The following ADI1 variants were observed in gnomAD, a reference collection of about 807,000 sequenced individuals.
The protein encoded by ADI1 is acireductone dioxygenase.
In ADI1, 21 loss-of-function variants were observed where a neutral mutation model predicts 18.7. That is an observed-to-expected ratio of 1.13 (90% confidence interval 0.80 to 1.62). ADI1 has a LOEUF of 1.62. Among genes scored for constraint, ADI1 ranks in the 40% most tolerant of loss-of-function variants. ADI1 has a pLI of 0.00. For synonymous variants in ADI1, 90 were observed against 100.1 expected (o/e 0.90, Z 0.60); for missense variants, 245 against 254.9 (o/e 0.96, Z 0.26).
At chr2:3,502,981 G>A (rs894134700) in intron 2 of ADI1, among the ~76,000 whole-genome samples, 1 of 152,098 alleles carries the variant, frequency 6.6e-6, no homozygotes, top group Non-Finnish European at 1.5e-5. Flanking sequence ...AAATACTGAT[G>A]AGGAAGGCAA....
chr2:3,517,265 A>C (rs1387159117), intron 1 of ADI1: 1 of 152,240 alleles, frequency 6.6e-6, no homozygotes, highest in Non-Finnish European at 1.5e-5. Flanking sequence ...ACTTGACGTT[A>C]ACCAATCAGC....
At chr2:3,517,566 G>C (rs1667436237) in intron 1 of ADI1, 1 of 152,214 alleles carries the variant, frequency 6.6e-6, no homozygotes, top group Non-Finnish European at 1.5e-5. Context: ...AGCAGTTCAA[G>C]ATCAGCCTGA....
chr2:3,516,808 T>C, intron 1 of ADI1: 3 of 985,286 alleles, frequency 3.0e-6, no homozygotes, highest in Non-Finnish European at 3.6e-6. Flanking sequence ...TAATAACAGA[T>C]TGATTAAACA....
At chr2:3,516,585 T>C in intron 1 of ADI1, 1 of 381,052 alleles carries the variant, frequency 2.6e-6, no homozygotes, top group Non-Finnish European at 3.6e-6. Context: ...GACAGGATCC[T>C]CATCAGACAC....
intron 3 of ADI1, among the ~76,000 whole-genome samples, chr2:3,499,724 G>A (rs1666950049): frequency 6.6e-6 from 1 of 152,192 alleles, no homozygotes. Flanking sequence ...TCCAGCGCCA[G>A]AGTACTGTGC....
chr2:3,519,098 C>A (rs1488228411), intron 1 of ADI1, among the ~76,000 whole-genome samples: 2 of 150,604 alleles, frequency 1.3e-5, no homozygotes, highest in Non-Finnish European at 3.0e-5. Flanking sequence ...GCGCTGGGGG[C>A]TGACCGCCGA....
chr2:3,513,268 T>C (rs573905077), intron 2 of ADI1, among the ~76,000 whole-genome samples: 2 of 152,318 alleles, frequency 1.3e-5, no homozygotes, highest in Admixed American at 6.5e-5. Context: ...GTTAAGACTT[T>C]GGGGGACTAT....
chr2:3,497,614 C>T lies in ADI1; in HGVS notation c.*1349G>A, dbSNP rs1327813153. On this transcript the variant is annotated 3_prime_UTR_variant, in exon 4 of 4. Coordinates refer to ENST00000327435, the MANE Select transcript of ADI1 (RefSeq NM_018269.4). ...TCCCAGGCTCTAAGAATCCTCCCAC[C>T]TTAGCCTCCTGAGTAGCTGAGATTA... 5 of 152,336 alleles carry T rather than the reference C, an allele frequency of 3.3e-5. No homozygotes were observed. The highest frequency in any genetic ancestry group is 2.9e-5 in the Non-Finnish European group (2 of 68,096). 9.4% of individuals were successfully genotyped at this position (152,336 alleles called of 1,614,324 possible).
chr2:3,515,032 G>C (rs1019073599), intron 1 of ADI1: 1 of 601,400 alleles, frequency 1.7e-6, no homozygotes, highest in Non-Finnish European at 2.6e-6. Flanking sequence ...TGTGTTAACT[G>C]TACAAATTGA....
rs757786301 is a variant in ADI1, at chr2:3,519,403, C to T, written c.85G>A (p.Glu29Lys). ...AGCACCCCGAGCCGCCGCAGCTGCT[C>T]CAGGCCCACTGGGCGGCCGGGGTCG... ...RPDPGRPVGLEQLRRLGVLYW... is the reference protein window; with the variant it reads ...RPDPGRPVGLKQLRRLGVLYW... Residue 29 changes from glutamate to lysine, a missense_variant, in exon 1 of 4, where the codon GAG becomes AAG. Coordinates refer to ENST00000327435, the MANE Select transcript of ADI1 (RefSeq NM_018269.4). The T allele has an allele frequency of 3.6e-5, 50 of 1,406,272 alleles. No individual in the cohort carries two copies. The highest frequency in any genetic ancestry group is 4.3e-5 in the Non-Finnish European group (47 of 1,087,716). The allele number at this position is 1,406,272 out of a possible 1,614,324, so 87.1% of individuals were successfully genotyped here.
At chr2:3,518,869 C>T (rs532778112) in intron 1 of ADI1, among the ~76,000 whole-genome samples, 1 of 152,238 alleles carries the variant, frequency 6.6e-6, no homozygotes, top group Non-Finnish European at 1.5e-5. Flanking sequence ...CTTCAGGTCG[C>T]TGCCAATCCC....
chr2:3,518,903 C>T (rs1246419927), intron 1 of ADI1, among the ~76,000 whole-genome samples: 1 of 152,212 alleles, frequency 6.6e-6, no homozygotes, highest in Non-Finnish European at 1.5e-5. Flanking sequence ...CGCAGCGAGT[C>T]CCGGCTGCGA....
At chr2:3,505,414 T>TA (rs934797654) in intron 2 of ADI1, among the ~76,000 whole-genome samples, 3 of 151,950 alleles carry the variant, frequency 2.0e-5, no homozygotes, top group South Asian at 4.1e-4. Context: ...GTCTGAGAGC[T>TA]AAAAAAAACT....
intron 3 of ADI1, among the ~76,000 whole-genome samples, 163 bp from the exon 4 acceptor site, chr2:3,499,245 G>A (rs1248699361): frequency 2.0e-5 from 3 of 152,194 alleles, no homozygotes; most frequent in African/African-American, 7.2e-5. Flanking sequence ...TTCGTGGAAG[G>A]AAAATTTGTA....
Position 3,500,518 on chromosome 2 carries a change from TG to T in ADI1, c.420+295del. On this transcript the variant is annotated intron_variant, in intron 3 of 3. Transcript: ENST00000327435. ...GCTGGGGCAGGGCCAGGCTCGTGGG[TG>T]TGTACCTGCCGCCGCATGTACCTGC... The T allele has an allele frequency of 1.8e-5, 6 of 329,052 alleles. 1 individual carries two copies. The African/African-American group carries it at 3.1e-4, about 17-fold the overall frequency. The allele number at this position is 329,052 out of a possible 1,614,324, so 20.4% of individuals were successfully genotyped here.
chr2:3,515,499 C>G (rs967062265), intron 1 of ADI1: 61 of 152,338 alleles, frequency 4.0e-4, no homozygotes, highest in Non-Finnish European at 7.5e-4. Flanking sequence ...ATGTGCAGCA[C>G]TGAACATAGA....
At chr2:3,504,163 ACAT>A (rs1458182924) in intron 2 of ADI1, among the ~76,000 whole-genome samples, 3 of 152,220 alleles carry the variant, frequency 2.0e-5, no homozygotes, top group African/African-American at 7.2e-5. Context: ...GGGCACGTTG[ACAT>A]CAGCAGTGAG....
intron 1 of ADI1, among the ~76,000 whole-genome samples, chr2:3,518,354 C>T (rs1281780714): frequency 2.6e-5 from 4 of 152,226 alleles, no homozygotes; most frequent in Non-Finnish European, 5.9e-5. Flanking sequence ...TCATTTAAAT[C>T]ACATGAATGA....
intron 2 of ADI1, among the ~76,000 whole-genome samples, chr2:3,503,548 C>G (rs1472305702): frequency 1.3e-5 from 2 of 151,502 alleles, no homozygotes; most frequent in Non-Finnish European, 2.9e-5. Flanking sequence ...CACGTACACA[C>G]TCACACACGT....
Sources: gnomAD v4.1 joint callset for allele counts (sites outside exome capture counted in the v4.1 genomes callset) on GRCh38, gnomAD v4.1.1 for gene constraint, MANE v1.5 for transcripts, NCBI Gene and HGNC (gene_info 2026-07-23, HGNC 2026-07-21) for gene names.